Variants in SLCO3A1 observed in about 807,000 individuals in gnomAD.
SLCO3A1 encodes the protein PGE1 transporter.
In SLCO3A1, 27 loss-of-function variants were observed where a neutral mutation model predicts 63.1. The ratio of observed to expected loss-of-function variants is 0.43; its 90% CI spans 0.32 to 0.59. The LOEUF (loss-of-function observed/expected upper bound fraction) is 0.59. SLCO3A1 is among the 20% of genes least tolerant of loss of function. SLCO3A1 has a pLI of 0.09. For missense variants in SLCO3A1, 773 were observed against 945.8 expected, an observed-to-expected ratio of 0.82 and a Z score of 2.40; for synonymous variants, 473 against 409.9, an observed-to-expected ratio of 1.15 and a Z score of -1.86.
intron 2 of SLCO3A1, among the ~76,000 whole-genome samples, chr15:91,929,348 G>A (rs990609587): frequency 1.3e-5 from 2 of 152,150 alleles, no homozygotes; most frequent in Non-Finnish European, 2.9e-5. Flanking sequence ...TTGAGATAGC[G>A]TTTTGGTGAC....
chr15:92,090,577 G>A (rs778542545), intron 2 of SLCO3A1, among the ~76,000 whole-genome samples: 9 of 152,122 alleles, frequency 5.9e-5, no homozygotes, highest in East Asian at 5.8e-4. Context: ...GGTGGACTCC[G>A]GACATCCAGT....
chr15:92,037,681 C>G (rs1000565466), intron 2 of SLCO3A1, among the ~76,000 whole-genome samples: 3 of 152,226 alleles, frequency 2.0e-5, no homozygotes, highest in Non-Finnish European at 1.5e-5. Flanking sequence ...TTCTCACTGT[C>G]AAGCCAACTG....
At chr15:92,148,523 A>AAAAT (rs2048260652) in intron 8 of SLCO3A1, among the ~76,000 whole-genome samples, 1 of 152,196 alleles carries the variant, frequency 6.6e-6, no homozygotes, top group Admixed American at 6.5e-5. Flanking sequence ...CTAAGTTTGA[A>AAAAT]AAATAAATTT....
chr15:91,900,972 G>A lies in SLCO3A1; in HGVS notation c.181-15021G>A, dbSNP rs752818314. ...TGTTTATTTCGCCTTTCATTTTGTC[G>A]ATTTTTACTTCATGTATTATGGGGC... On this transcript the variant is annotated intron_variant, in intron 1 of 9. Transcript: ENST00000318445. The surrounding 1 kb of genome is among the most constrained non-coding windows in gnomAD (Gnocchi z 4.3). Among the ~76,000 whole-genome samples the A allele has an allele frequency of 2.6e-5, 4 of 152,090 alleles. No individual in the cohort carries two copies. Among genetic ancestry groups the A allele is most frequent in the Admixed American group, 6.5e-5 (1 of 15,276 alleles).
intron 2 of SLCO3A1, among the ~76,000 whole-genome samples, chr15:92,003,528 T>C (rs1367262389): frequency 6.6e-6 from 1 of 152,238 alleles, no homozygotes; most frequent in Non-Finnish European, 1.5e-5. Context: ...TCAGTGGACA[T>C]CTTGTTAGTG....
chr15:91,953,254 A>G (rs555123511), intron 2 of SLCO3A1, among the ~76,000 whole-genome samples: 12 of 152,198 alleles, frequency 7.9e-5, no homozygotes, highest in Non-Finnish European at 1.8e-4. Flanking sequence ...CGTTTGTTCT[A>G]ACCTTCACTG....
At position 91,863,439 on chromosome 15, in the gene SLCO3A1, C is replaced by A. The variant is rs371651951; in HGVS notation, c.180+9351C>A. Among the ~76,000 whole-genome samples, 2 of 152,236 alleles carry A rather than the reference C, an allele frequency of 1.3e-5. No individual in the cohort carries two copies. Among genetic ancestry groups the A allele is most frequent in the African/African-American group, 4.8e-5 (2 of 41,458 alleles). ...GGGATGGCCGTGAGTACAACCACTG[C>A]CGGTTGTGACAGACACCATCCTTTG... On this transcript the variant is annotated intron_variant, in intron 1 of 9. Transcript: ENST00000318445. This position sits in a 1 kb window ranked among gnomAD's most constrained non-coding sequence, Gnocchi z 4.3.
chr15:92,150,571 T>A (rs563250940), intron 8 of SLCO3A1, among the ~76,000 whole-genome samples: 1 of 152,116 alleles, frequency 6.6e-6, no homozygotes, highest in African/African-American at 2.4e-5. Flanking sequence ...GGGGAATTAT[T>A]TTCTCGGTTG....
intron 7 of SLCO3A1, among the ~76,000 whole-genome samples, chr15:92,146,074 C>T (rs1234393732): frequency 6.6e-6 from 1 of 152,176 alleles, no homozygotes; most frequent in Non-Finnish European, 1.5e-5. Context: ...GCTCTGAAAG[C>T]CAAGCAGTCC....
intron 2 of SLCO3A1, among the ~76,000 whole-genome samples, chr15:92,034,876 TCTAA>T (rs941509841): frequency 3.9e-5 from 6 of 151,958 alleles, no homozygotes; most frequent in Non-Finnish European, 8.8e-5. Context: ...TACTGATAGC[TCTAA>T]CTGTCATTCG....
At chr15:92,017,674 G>A (rs974411986) in intron 2 of SLCO3A1, among the ~76,000 whole-genome samples, 2 of 152,140 alleles carry the variant, frequency 1.3e-5, no homozygotes, top group Non-Finnish European at 2.9e-5. Flanking sequence ...TGGACATTTG[G>A]GGAGGAGAAA....
In SLCO3A1 at chr15:91,920,620, C is replaced by T. The variant is rs144925648; in HGVS notation, c.646+4162C>T. ...GGAGCAACTGATCTGTTGCATCTTT[C>T]GCTCAGCTCTTTCCAGCAGTGTGGG... On this transcript the variant is annotated intron_variant, in intron 2 of 9. Coordinates refer to ENST00000318445, the MANE Select transcript of SLCO3A1 (RefSeq NM_013272.4). Among the ~76,000 whole-genome samples, 440 of 152,304 alleles carry T rather than the reference C, an allele frequency of 2.9e-3. 3 individuals carry two copies. The highest frequency in any genetic ancestry group is 8.1e-3 in the South Asian group (39 of 4,820).
At chr15:91,981,601 C>G (rs1249717423) in intron 2 of SLCO3A1, among the ~76,000 whole-genome samples, 1 of 152,142 alleles carries the variant, frequency 6.6e-6, no homozygotes, top group Non-Finnish European at 1.5e-5. Flanking sequence ...CATTTATCAT[C>G]TAAACAAGGA....
intron 2 of SLCO3A1, among the ~76,000 whole-genome samples, chr15:91,961,014 C>G (rs1321167903): frequency 6.6e-6 from 1 of 152,160 alleles, no homozygotes; most frequent in Admixed American, 6.6e-5. Flanking sequence ...AACCATGAGG[C>G]TTTATTTTAC....
At chr15:91,952,542 A>G (rs1443940023) in intron 2 of SLCO3A1, among the ~76,000 whole-genome samples, 2 of 152,216 alleles carry the variant, frequency 1.3e-5, no homozygotes, top group Admixed American at 1.3e-4. Context: ...ACAGAAATGG[A>G]TAATGAATTG....
In SLCO3A1 at chr15:92,033,106, A is replaced by T. The variant is rs867912553; in HGVS notation, c.647-61775A>T. ...TGTGATGCTATCTTATTTATATAGA[A>T]TTTTAGAATTTACCAAAGAATCTCA... On this transcript the variant is annotated intron_variant, in intron 2 of 9. Transcript: ENST00000318445. The surrounding 1 kb of genome is among the most constrained non-coding windows in gnomAD (Gnocchi z 4.5). 2.6e-5 allele frequency among the ~76,000 whole-genome samples: 4 copies of T among 152,300 alleles called. No individual in the cohort carries two copies. The Middle Eastern group carries it at 0.01, about 389-fold the overall frequency.
In SLCO3A1 at chr15:91,853,767, C is replaced by A; in HGVS notation, c.-142C>A. The A allele has an allele frequency of 1.2e-6, 1 of 809,608 alleles. No individual in the cohort carries two copies. Among genetic ancestry groups the A allele is most frequent in the Non-Finnish European group, 1.5e-6 (1 of 656,542 alleles). The allele number at this position is 809,608 out of a possible 1,614,324, so 50.2% of individuals were successfully genotyped here. A position where few individuals can be genotyped will look rare whatever the true frequency, so the allele number is the denominator to read the frequency against. On this transcript the variant is annotated 5_prime_UTR_variant, in exon 1 of 10. Transcript: ENST00000318445. ...GTGCCTTCCACCTCTCCAGCCCCGG[C>A]AGGACGGGGGCGGCCGCCGCGAACC...
chr15:91,931,179 TC>T (rs1313502987), intron 2 of SLCO3A1, among the ~76,000 whole-genome samples: 3 of 152,198 alleles, frequency 2.0e-5, no homozygotes, highest in Admixed American at 6.5e-5. Context: ...ATTCTGCATG[TC>T]CTCAAAGCAA....
intron 5 of SLCO3A1, 37 bp downstream of exon 5, chr15:92,120,666 G>A: frequency 6.3e-7 from 1 of 1,599,260 alleles, no homozygotes; most frequent in Non-Finnish European, 8.6e-7. Context: ...AGGGTCGGGG[G>A]AGGGTGTCCT....
Sources: gnomAD v4.1 joint callset for allele counts (sites outside exome capture counted in the v4.1 genomes callset) on GRCh38, gnomAD v4.1.1 for gene constraint, Gnocchi (gnomAD v3.1) non-coding constraint, MANE v1.5 for transcripts, NCBI Gene and HGNC (gene_info 2026-07-23, HGNC 2026-07-21) for gene names.